The following P2RY8 variants were observed in gnomAD, a reference collection of about 807,000 sequenced individuals.
The protein encoded by P2RY8 is P2Y receptor family member 8.
A neutral mutation model predicts 10.0 loss-of-function variants in P2RY8; 6 were observed. The ratio of observed to expected loss-of-function variants is 0.60; its 90% CI spans 0.33 to 1.19. P2RY8 has a LOEUF of 1.19. Among genes scored for constraint, P2RY8 ranks in the 50% most tolerant of loss-of-function variants. The pLI is 0.04. For missense variants in P2RY8, 456 were observed against 542.0 expected, an observed-to-expected ratio of 0.84 and a Z score of 1.58; for synonymous variants, 276 against 252.5, an observed-to-expected ratio of 1.09 and a Z score of -0.88.
chrX:1,498,076 T>C (rs1371290863), intron 1 of P2RY8, among the ~76,000 whole-genome samples: 2 of 152,106 alleles, frequency 1.3e-5, no homozygotes, highest in Admixed American at 1.3e-4. Context: ...AGACTCAAGC[T>C]GCTCCTGAAC....
At chrX:1,495,507 A>G (rs1241313612) in intron 1 of P2RY8, among the ~76,000 whole-genome samples, 5 of 150,456 alleles carry the variant, frequency 3.3e-5, no homozygotes, top group Non-Finnish European at 7.4e-5. Flanking sequence ...CCCAGGAGAG[A>G]GGCCTCAGGA....
chrX:1,534,197 CAT>C (rs1431497716), intron 1 of P2RY8, among the ~76,000 whole-genome samples: 2 of 134,106 alleles, frequency 1.5e-5, no homozygotes, highest in Non-Finnish European at 1.5e-5. Flanking sequence ...TATATATTTA[CAT>C]ATATATTTAT....
intron 1 of P2RY8, among the ~76,000 whole-genome samples, chrX:1,533,474 C>A (rs1340895499): frequency 3.3e-5 from 4 of 122,480 alleles, no homozygotes; most frequent in Non-Finnish European, 6.9e-5. Flanking sequence ...ATTATTTATT[C>A]TTTATATCTT....
At chrX:1,533,626 A>ATTATTATTTACATAT (rs1260025071) in intron 1 of P2RY8, among the ~76,000 whole-genome samples, 1 of 117,350 alleles carries the variant, frequency 8.5e-6, no homozygotes, top group African/African-American at 3.4e-5. Context: ...ATATTTATAT[A>ATTATTATTTACATAT]TTATTATTTA....
chrX:1,505,804 A>G (rs2092227606), intron 1 of P2RY8, among the ~76,000 whole-genome samples: 1 of 152,074 alleles, frequency 6.6e-6, no homozygotes, highest in Admixed American at 6.5e-5. Flanking sequence ...ACAAACAAAC[A>G]ATAAAACACA....
At position 1,466,158 on chromosome X, in the gene P2RY8, C is replaced by T; in HGVS notation, c.401G>A (p.Trp134Ter). 1 of 1,612,136 alleles carries T rather than the reference C, an allele frequency of 6.2e-7. No individual in the cohort carries two copies. Among genetic ancestry groups the T allele is most frequent in the Non-Finnish European group, 8.5e-7 (1 of 1,179,292 alleles). Residue 134 changes from tryptophan to a stop codon, truncating the protein, a stop_gained, in exon 2 of 2, where the codon TGG (tryptophan) becomes TAG (stop). Coordinates refer to ENST00000381297, the MANE Select transcript of P2RY8 (RefSeq NM_178129.5). LOFTEE classifies it low-confidence loss of function (END_TRUNC). ...GVLYPLSSKRWRRRRYAVAAC... is the reference protein window; with the variant it reads ...GVLYPLSSKR The stretch of plus-strand genomic sequence containing the variant: ...GGCCACCGCGTAACGACGGCGGCGC[C>T]AGCGCTTGGAGCTGAGCGGGTACAG...
At chrX:1,531,395 C>A (rs192618579) in intron 1 of P2RY8, among the ~76,000 whole-genome samples, 65 of 152,248 alleles carry the variant, frequency 4.3e-4, no homozygotes, top group African/African-American at 1.6e-3. Flanking sequence ...TCCTGCATGC[C>A]CTCTCCATCA....
chrX:1,498,337 C>T (rs375525913), intron 1 of P2RY8, among the ~76,000 whole-genome samples: 15,215 of 137,588 alleles, frequency 0.11, 1,376 homozygotes, highest in East Asian at 0.49. Flanking sequence ...ACCTGGGAGG[C>T]GGAGCTTGCA....
chrX:1,531,303 T>G (rs186857026), intron 1 of P2RY8, among the ~76,000 whole-genome samples: 1 of 152,212 alleles, frequency 6.6e-6, no homozygotes, highest in Non-Finnish European at 1.5e-5. Context: ...CCGCCCCAAA[T>G]GTCACTAGTG....
intron 1 of P2RY8, among the ~76,000 whole-genome samples, chrX:1,521,040 T>C (rs1250577166): frequency 4.2e-5 from 6 of 143,152 alleles, no homozygotes; most frequent in East Asian, 2.0e-4. Flanking sequence ...TTTTCTTTTT[T>C]TTTTTTTTTT....
chrX:1,509,561 A>G (rs750344894), intron 1 of P2RY8, among the ~76,000 whole-genome samples: 27 of 128,452 alleles, frequency 2.1e-4, no homozygotes, highest in Non-Finnish European at 4.0e-4. Flanking sequence ...TCTATCATCT[A>G]TGTATCTATG....
chrX:1,485,760 TTA>T (rs1234715693), intron 1 of P2RY8, among the ~76,000 whole-genome samples: 2 of 148,866 alleles, frequency 1.3e-5, no homozygotes, highest in East Asian at 1.9e-4. Context: ...ATAGTATCAT[TTA>T]TATGTTATAT....
chrX:1,496,626 C>T (rs1452307110), intron 1 of P2RY8, among the ~76,000 whole-genome samples: 2 of 151,972 alleles, frequency 1.3e-5, no homozygotes, highest in Admixed American at 6.6e-5. Flanking sequence ...CGGCTTCAGA[C>T]GGAGCAGTCA....
intron 1 of P2RY8, among the ~76,000 whole-genome samples, chrX:1,508,998 G>GTATCTATCCATC (rs1394253022): frequency 0.013 from 1,426 of 106,104 alleles, no homozygotes; most frequent in Non-Finnish European, 0.02. Flanking sequence ...TATCCTGTAT[G>GTATCTATCCATC]TGTTCATCCA....
chrX:1,492,027 G>C (rs2092057440), intron 1 of P2RY8, among the ~76,000 whole-genome samples: 1 of 152,220 alleles, frequency 6.6e-6, no homozygotes, highest in Admixed American at 6.5e-5. Flanking sequence ...TACTGGCCCT[G>C]ACCTCTCTGC....
chrX:1,478,885 G>A (rs2091905889), intron 1 of P2RY8, among the ~76,000 whole-genome samples: 1 of 152,004 alleles, frequency 6.6e-6, no homozygotes, highest in Non-Finnish European at 1.5e-5. Context: ...GAAGCCTCCT[G>A]CCCCCTGCTG....
chrX:1,486,378 A>C (rs1250195757), intron 1 of P2RY8, among the ~76,000 whole-genome samples: 2 of 152,208 alleles, frequency 1.3e-5, no homozygotes, highest in African/African-American at 4.8e-5. Flanking sequence ...GGAATAGTAT[A>C]CAGCCATGAA....
chrX:1,466,851 C>G (rs2091688258), intron 1 of P2RY8, among the ~76,000 whole-genome samples: 1 of 148,446 alleles, frequency 6.7e-6, no homozygotes, highest in South Asian at 2.1e-4. Flanking sequence ...TCTCTCCTTC[C>G]TTCTCTTCTT....
At chrX:1,526,801 G>A (rs1172727900) in intron 1 of P2RY8, among the ~76,000 whole-genome samples, 2 of 152,008 alleles carry the variant, frequency 1.3e-5, no homozygotes, top group Non-Finnish European at 2.9e-5. Flanking sequence ...GTTTATTCAT[G>A]CATCGATGAA....
Sources: gnomAD v4.1 joint callset for allele counts (sites outside exome capture counted in the v4.1 genomes callset) on GRCh38, gnomAD v4.1.1 for gene constraint, MANE v1.5 for transcripts, NCBI Gene and HGNC (gene_info 2026-07-23, HGNC 2026-07-21) for gene names.